The following SLC28A3 variants were observed in gnomAD, a reference collection of about 807,000 sequenced individuals.
The protein encoded by SLC28A3 is solute carrier family 28 member 3, also known as concentrative Na(+)-nucleoside cotransporter 3.
In SLC28A3, 68 loss-of-function variants were observed where a neutral mutation model predicts 84.2. That is an observed-to-expected ratio of 0.81 (90% confidence interval 0.66 to 0.99). The LOEUF (loss-of-function observed/expected upper bound fraction) is 0.99. SLC28A3 is among the 50% of genes least tolerant of loss of function. The pLI is 0.00. For synonymous variants in SLC28A3, 267 were observed against 303.6 expected (o/e 0.88, Z 1.25); for missense variants, 712 against 841.5 (o/e 0.85, Z 1.90).
the SLC28A3 span, among the ~76,000 whole-genome samples, chr9:84,349,862 A>T: frequency 6.6e-6 from 1 of 152,238 alleles, no homozygotes; most frequent in East Asian, 1.9e-4. Context: ...ATTTCCAGAG[A>T]TGACAATCTT....
the SLC28A3 span, among the ~76,000 whole-genome samples, chr9:84,360,647 G>A: frequency 1.6e-4 from 24 of 152,284 alleles, no homozygotes; most frequent in East Asian, 1.4e-3. Flanking sequence ...GCTGGGTGCC[G>A]TGGCTTATAA....
At chr9:84,327,380 A>G (rs552333287) in intron 1 of SLC28A3, among the ~76,000 whole-genome samples, 37 of 141,946 alleles carry the variant, frequency 2.6e-4, no homozygotes, top group African/African-American at 9.1e-4. Context: ...AAAAAAAAAG[A>G]CTTGCAGCAA....
At chr9:84,310,227 G>A (rs771581489) in intron 2 of SLC28A3, among the ~76,000 whole-genome samples, 3 of 152,144 alleles carry the variant, frequency 2.0e-5, no homozygotes, top group African/African-American at 2.4e-5. Context: ...TGGGAACTAG[G>A]ATCCTTTTAT....
At chr9:84,362,457 C>A in the SLC28A3 span, among the ~76,000 whole-genome samples, 1 of 152,014 alleles carries the variant, frequency 6.6e-6, no homozygotes, top group Non-Finnish European at 1.5e-5. Context: ...CATGGTGAAA[C>A]CCTGTCTCTA....
chr9:84,287,489 C>A (rs1440947150), intron 12 of SLC28A3, among the ~76,000 whole-genome samples: 1 of 152,160 alleles, frequency 6.6e-6, no homozygotes, highest in South Asian at 2.1e-4. Context: ...AACCAAGGCT[C>A]CATAAACACT....
At chr9:84,359,501 G>A in the SLC28A3 span, among the ~76,000 whole-genome samples, 1 of 152,102 alleles carries the variant, frequency 6.6e-6, no homozygotes, top group Non-Finnish European at 1.5e-5. Context: ...TGACACAAAA[G>A]TATTTTGGAA....
chr9:84,287,409 C>G (rs1825036223), intron 12 of SLC28A3, among the ~76,000 whole-genome samples: 2 of 151,814 alleles, frequency 1.3e-5, no homozygotes. Context: ...TTTCACAGAG[C>G]AAAAGAAAAG....
intron 1 of SLC28A3, among the ~76,000 whole-genome samples, chr9:84,319,423 G>A (rs906570556): frequency 6.6e-6 from 1 of 152,128 alleles, no homozygotes; most frequent in African/African-American, 2.4e-5. Context: ...CCAGCACTTT[G>A]GGGGGCTGAG....
upstream of SLC28A3, among the ~76,000 whole-genome samples, chr9:84,343,921 T>A (rs1408902996): frequency 6.6e-6 from 1 of 151,004 alleles, no homozygotes; most frequent in Non-Finnish European, 1.5e-5. Context: ...GAAGACCCCG[T>A]CTCTACAAAA....
upstream of SLC28A3, among the ~76,000 whole-genome samples, chr9:84,340,837 G>A (rs990563772): frequency 6.6e-5 from 10 of 152,220 alleles, no homozygotes; most frequent in South Asian, 1.7e-3. Flanking sequence ...GCGGGTTGGC[G>A]GGGTGGAGGC....
chr9:84,337,449 CGT>C (rs531259517), intron 1 of SLC28A3, among the ~76,000 whole-genome samples: 8 of 145,812 alleles, frequency 5.5e-5, no homozygotes, highest in Non-Finnish European at 7.5e-5. Context: ...TGTGCGCGCG[CGT>C]GTGTGTATGC....
upstream of SLC28A3, among the ~76,000 whole-genome samples, chr9:84,341,173 G>A (rs1051270169): frequency 2.6e-5 from 4 of 152,148 alleles, no homozygotes; most frequent in East Asian, 7.8e-4. Flanking sequence ...GTTTCACCAT[G>A]TTGGCCAGGC....
At chr9:84,280,601 G>A (rs1299361425) in intron 15 of SLC28A3, among the ~76,000 whole-genome samples, 200 bp downstream of exon 15, 1 of 152,170 alleles carries the variant, frequency 6.6e-6, no homozygotes, top group African/African-American at 2.4e-5. Flanking sequence ...CTGTATGTTT[G>A]AGAAAATTTT....
chr9:84,316,280 T>G (rs1484697227), intron 1 of SLC28A3, among the ~76,000 whole-genome samples: 1 of 152,212 alleles, frequency 6.6e-6, no homozygotes, highest in Non-Finnish European at 1.5e-5. Context: ...GTGGTATCCC[T>G]TTTCAAAGAA....
intron 1 of SLC28A3, among the ~76,000 whole-genome samples, chr9:84,320,816 C>T (rs1826350076): frequency 6.6e-6 from 1 of 151,722 alleles, no homozygotes; most frequent in Non-Finnish European, 1.5e-5. Context: ...ATGGCGAAAC[C>T]CTGTCTCTAC....
chr9:84,311,357 A>G (rs542327117), intron 2 of SLC28A3, among the ~76,000 whole-genome samples: 1 of 152,180 alleles, frequency 6.6e-6, no homozygotes, highest in Admixed American at 6.6e-5. Context: ...TGTATTGTCT[A>G]CCCACCCTCA....
At chr9:84,308,923 G>T (rs1825889117) in intron 3 of SLC28A3, among the ~76,000 whole-genome samples, 2 of 152,234 alleles carry the variant, frequency 1.3e-5, no homozygotes, top group South Asian at 4.1e-4. Flanking sequence ...CAAGGTAAGA[G>T]AAACCGTTTG....
At chr9:84,361,523 G>C in the SLC28A3 span, among the ~76,000 whole-genome samples, 48 of 152,126 alleles carry the variant, frequency 3.2e-4, no homozygotes, top group African/African-American at 1.1e-3. Context: ...GATGATCTCT[G>C]TGCTCCCTCG....
At chr9:84,322,084 A>T (rs1357768477) in intron 1 of SLC28A3, among the ~76,000 whole-genome samples, 1 of 152,236 alleles carries the variant, frequency 6.6e-6, no homozygotes, top group Non-Finnish European at 1.5e-5. Flanking sequence ...TATATACTAC[A>T]TATTATTTAC....
Sources: gnomAD v4.1 joint callset for allele counts (sites outside exome capture counted in the v4.1 genomes callset) on GRCh38, gnomAD v4.1.1 for gene constraint, MANE v1.5 for transcripts, NCBI Gene and HGNC (gene_info 2026-07-23, HGNC 2026-07-21) for gene names.